Variants in MYOF observed in about 807,000 individuals in gnomAD.
MYOF encodes the protein fer-1-like 3, myoferlin.
In MYOF, 244 loss-of-function variants were observed where a neutral mutation model predicts 284.2. The observed-to-expected ratio is 0.86, with a 90% CI of 0.77 to 0.95. The LOEUF (loss-of-function observed/expected upper bound fraction) is 0.95. Among genes scored for constraint, MYOF ranks in the 40% least tolerant of loss-of-function variants. The probability of loss-of-function intolerance (pLI) is 0.00; values close to 1 mark genes in which losing one functional copy is unlikely to be tolerated. For synonymous variants in MYOF, 904 were observed against 919.7 expected (o/e 0.98, Z 0.31); for missense variants, 2,496 against 2,560.6 (o/e 0.97, Z 0.54).
intron 1 of MYOF, among the ~76,000 whole-genome samples, chr10:93,474,137 G>A (rs1034609039): frequency 6.6e-6 from 1 of 152,164 alleles, no homozygotes; most frequent in Admixed American, 6.5e-5. Context: ...TTTCCTCAGT[G>A]TCTTTCCTTA....
At chr10:93,315,357 A>AAAAT (rs1842570975) in intron 50 of MYOF, among the ~76,000 whole-genome samples, 1 of 152,150 alleles carries the variant, frequency 6.6e-6, no homozygotes, top group South Asian at 2.1e-4. Flanking sequence ...CAGGACTAAG[A>AAAAT]AAATAAGTGT....
intron 38 of MYOF, among the ~76,000 whole-genome samples, chr10:93,342,316 T>C: frequency 6.6e-6 from 1 of 150,762 alleles, no homozygotes; most frequent in East Asian, 2.1e-4. Flanking sequence ...AAGCTTGTTA[T>C]TGGCTCTTTC....
chr10:93,334,543 G>C (rs78646930), intron 41 of MYOF, among the ~76,000 whole-genome samples: 7,827 of 152,182 alleles, frequency 0.051, 303 homozygotes, highest in Middle Eastern at 0.075. Context: ...ATAAAGTCTT[G>C]TTCATCACCC....
chr10:93,358,716 G>C (rs746582518), intron 29 of MYOF, among the ~76,000 whole-genome samples: 3 of 152,094 alleles, frequency 2.0e-5, no homozygotes, highest in African/African-American at 7.2e-5. Flanking sequence ...ACCAAACACC[G>C]CATGTTCTCA....
chr10:93,466,387 G>A (rs996481934), intron 1 of MYOF, among the ~76,000 whole-genome samples: 4 of 152,222 alleles, frequency 2.6e-5, no homozygotes, highest in African/African-American at 9.6e-5. Flanking sequence ...CAGGAGGGGT[G>A]ACTGCTCCCC....
In MYOF at chr10:93,389,712, G is replaced by T. The variant is rs1846583262; in HGVS notation, c.1457-558C>A. 2.0e-5 allele frequency among the ~76,000 whole-genome samples: 3 copies of T among 152,128 alleles called. No homozygotes were observed. The South Asian group carries it at 6.2e-4, about 32-fold the overall frequency. ...AATGACATGAAGATTCCCATTCATTGCTTTCTATCTCTGGTGGTCATCTGA... is the reference window on the plus strand; with the variant it reads ...AATGACATGAAGATTCCCATTCATTTCTTTCTATCTCTGGTGGTCATCTGA... On this transcript the variant is annotated intron_variant, in intron 17 of 53. Transcript: ENST00000359263.
At chr10:93,356,409 C>T (rs1484911483) in intron 30 of MYOF, among the ~76,000 whole-genome samples, 3 of 152,142 alleles carry the variant, frequency 2.0e-5, no homozygotes, top group African/African-American at 7.2e-5. Flanking sequence ...AAACAAGGGT[C>T]CTGGAACAGA....
intron 42 of MYOF, 35 bp downstream of exon 42, chr10:93,333,723 T>G: frequency 2.5e-6 from 4 of 1,606,570 alleles, no homozygotes; most frequent in Non-Finnish European, 3.4e-6. Context: ...GTAATTATCT[T>G]GCTACAGGAG....
chr10:93,478,891 T>A (rs1245577160), intron 1 of MYOF, among the ~76,000 whole-genome samples: 1 of 126,562 alleles, frequency 7.9e-6, no homozygotes, highest in Non-Finnish European at 1.7e-5. Context: ...AGGTCAACTG[T>A]AAACCAGTTG....
intron 5 of MYOF, among the ~76,000 whole-genome samples, chr10:93,420,587 A>G (rs566701487): frequency 1.1e-4 from 17 of 152,354 alleles, no homozygotes; most frequent in Admixed American, 3.3e-4. Flanking sequence ...AGCTTCTACA[A>G]ATGGCAGGGG....
chr10:93,363,124 T>C (rs1845154937), intron 27 of MYOF, among the ~76,000 whole-genome samples: 1 of 152,240 alleles, frequency 6.6e-6, no homozygotes, highest in Non-Finnish European at 1.5e-5. Flanking sequence ...CTCATAGATC[T>C]ATATGCATTG....
chr10:93,399,349 A>G (rs771509259), intron 13 of MYOF, 43 bp downstream of exon 13: 10 of 1,429,922 alleles, frequency 7.0e-6, no homozygotes, highest in African/African-American at 4.3e-5. Flanking sequence ...GTAGTTTTAG[A>G]TATTTATTAC....
At chr10:93,456,479 C>G (rs1423417802) in intron 2 of MYOF, among the ~76,000 whole-genome samples, 1 of 152,224 alleles carries the variant, frequency 6.6e-6, no homozygotes, top group Non-Finnish European at 1.5e-5. Flanking sequence ...ATGTGATACA[C>G]TCTTGATTTG....
chr10:93,332,707 C>A (rs570511137), intron 43 of MYOF, among the ~76,000 whole-genome samples: 3 of 151,764 alleles, frequency 2.0e-5, no homozygotes, highest in Admixed American at 6.6e-5. Flanking sequence ...ATTAGCCGGG[C>A]GTGGTGGCAG....
chr10:93,441,815 G>A lies in MYOF; in HGVS notation c.236+10235C>T, dbSNP rs188711799. Among the ~76,000 whole-genome samples, 740 of 151,998 alleles carry A rather than the reference G, an allele frequency of 4.9e-3. 4 individuals carry two copies. The highest frequency in any genetic ancestry group is 8.4e-3 in the Non-Finnish European group (568 of 67,960). On this transcript the variant is annotated intron_variant, in intron 3 of 53. Coordinates refer to ENST00000359263, the MANE Select transcript of MYOF (RefSeq NM_013451.4). Reference sequence around the variant, plus strand: ...CCTGACCTCGTGATCCACCTGCCTCGGCCTCCCAAAGTGCTAGAATTACAG... The same window carrying A: ...CCTGACCTCGTGATCCACCTGCCTCAGCCTCCCAAAGTGCTAGAATTACAG...
In MYOF at chr10:93,307,999, T is replaced by A. The variant is rs796564075; in HGVS notation, c.6148-998A>T. Among the ~76,000 whole-genome samples the A allele has an allele frequency of 2.9e-4, 43 of 150,724 alleles. 1 individual carries two copies. The highest frequency in any genetic ancestry group is 3.4e-3 in the Middle Eastern group (1 of 294). On this transcript the variant is annotated intron_variant, in intron 53 of 53. Transcript: ENST00000359263. The stretch of plus-strand genomic sequence containing the variant: ...GGCTCACACCTGTAATCCCAGCACT[T>A]TGGGAGGCTAAGGCAGGCAGATCAC...
intron 7 of MYOF, among the ~76,000 whole-genome samples, chr10:93,405,169 C>T (rs1847495935): frequency 6.6e-6 from 1 of 152,166 alleles, no homozygotes; most frequent in African/African-American, 2.4e-5. Flanking sequence ...GATCATGACA[C>T]TTCACCCCTT....
intron 29 of MYOF, among the ~76,000 whole-genome samples, chr10:93,357,839 C>T (rs1385657978): frequency 6.6e-6 from 1 of 152,158 alleles, no homozygotes; most frequent in Non-Finnish European, 1.5e-5. Flanking sequence ...AGCCTTCTAA[C>T]TGATGGCTCA....
chr10:93,326,070 G>C (rs749948547), intron 45 of MYOF, 105 bp from the exon 46 acceptor site: 130 of 1,408,084 alleles, frequency 9.2e-5, no homozygotes, highest in Non-Finnish European at 5.3e-5. Flanking sequence ...TGCCAAAATG[G>C]ACAGGCAGTG....
Sources: allele counts gnomAD v4.1 joint callset (sites outside exome capture counted in the v4.1 genomes callset), GRCh38; gene constraint gnomAD v4.1.1; transcripts MANE v1.5; gene names NCBI Gene and HGNC (gene_info 2026-07-23, HGNC 2026-07-21).